CAGE1: variants seen among roughly 807,000 people sequenced by gnomAD.
CAGE1 encodes cancer antigen 1, also known as cancer-associated gene 1 protein.
A neutral mutation model predicts 94.9 loss-of-function variants in CAGE1; 66 were observed. That is an observed-to-expected ratio of 0.70 (90% confidence interval 0.57 to 0.85). The LOEUF (loss-of-function observed/expected upper bound fraction) is 0.85, where lower values mean the gene tolerates loss of function less well. Ranked by LOEUF, CAGE1 falls within the 40% of genes least tolerant of loss-of-function variation. The pLI is 0.00. For synonymous variants in CAGE1, 319 were observed against 321.0 expected, an observed-to-expected ratio of 0.99 and a Z score of 0.07; for missense variants, 865 against 950.4, an observed-to-expected ratio of 0.91 and a Z score of 1.18.
At chr6:7,379,609 A>G (rs1404145479) in intron 3 of CAGE1, among the ~76,000 whole-genome samples, 1 of 152,344 alleles carries the variant, frequency 6.6e-6, no homozygotes, top group East Asian at 1.9e-4. Flanking sequence ...TAAAATCAGG[A>G]GCAAATAAGA....
At chr6:7,333,713 T>G (rs2477484) in intron 12 of CAGE1, among the ~76,000 whole-genome samples, 71,645 of 146,092 alleles carry the variant, frequency 0.49, 18,763 homozygotes, top group African/African-American at 0.67. Context: ...CTGTTGCTCA[T>G]GCTGGAGTGC....
intron 5 of CAGE1, 62 bp from the exon 6 acceptor site, chr6:7,370,127 T>A: frequency 1.5e-6 from 2 of 1,329,620 alleles, no homozygotes; most frequent in East Asian, 2.5e-5. Context: ...ATCTTTTAAG[T>A]AAAATGCTGA....
intron 11 of CAGE1, among the ~76,000 whole-genome samples, chr6:7,344,253 C>T (rs1371618644): frequency 2.6e-5 from 4 of 152,182 alleles, no homozygotes; most frequent in Non-Finnish European, 5.9e-5. Flanking sequence ...CTGGGCGTGG[C>T]GCTTGCGGGC....
intron 11 of CAGE1, among the ~76,000 whole-genome samples, chr6:7,349,516 A>G (rs945724161): frequency 6.6e-6 from 1 of 152,200 alleles, no homozygotes. Flanking sequence ...AAAACAAAAA[A>G]AAACCAAGGT....
Position 7,377,634 on chromosome 6 carries a change from G to A in CAGE1, c.687+983C>T, listed in dbSNP as rs1760799842. Among the ~76,000 whole-genome samples the A allele has an allele frequency of 2.0e-5, 3 of 152,248 alleles. No homozygotes were observed. The South Asian group carries it at 6.2e-4, about 32-fold the overall frequency. ...CGCTTATAATCCTAGCTACTCAGAA[G>A]GCTGCAGCAGGACAATCGCTTGAAT... On this transcript the variant is annotated intron_variant, in intron 4 of 13. Coordinates refer to ENST00000502583, the MANE Select transcript of CAGE1 (RefSeq NM_001170692.2).
chr6:7,344,365 G>A (rs982616703), intron 11 of CAGE1, among the ~76,000 whole-genome samples: 1 of 152,268 alleles, frequency 6.6e-6, no homozygotes, highest in African/African-American at 2.4e-5. Flanking sequence ...ACCCGGGCCA[G>A]CGGCTGCAGA....
chr6:7,332,281 T>C (rs774285731), intron 12 of CAGE1, among the ~76,000 whole-genome samples: 3 of 152,206 alleles, frequency 2.0e-5, no homozygotes, highest in Non-Finnish European at 4.4e-5. Flanking sequence ...TGATTCTTTC[T>C]CTTTGGAGCT....
Position 7,368,703 on chromosome 6 carries a change from T to A in CAGE1, c.1989A>T (p.Lys663Asn), listed in dbSNP as rs1449361366. 6.7e-7 allele frequency: 1 copy of A among 1,503,742 alleles called. No homozygotes were observed. The highest frequency in any genetic ancestry group is 2.4e-5 in the East Asian group (1 of 40,838). The allele number at this position is 1,503,742 out of a possible 1,614,324, so 93.1% of individuals were successfully genotyped here. A position where few individuals can be genotyped will look rare whatever the true frequency, so the allele number is the denominator to read the frequency against. Residue 663 changes from lysine to asparagine, a missense_variant, in exon 7 of 14, where the codon AAA becomes AAT. Coordinates refer to ENST00000502583, the MANE Select transcript of CAGE1 (RefSeq NM_001170692.2). ...AATATAATACCTCTTTATCTAAAGT[T>A]TTCTTTTTAAGATGGAGGCTCTTCA... ...QKLKSLHLKK[K>N]TLDKELLKHK... is the part of the protein sequence containing the mutation.
intron 12 of CAGE1, among the ~76,000 whole-genome samples, chr6:7,333,814 C>G (rs1039134404): frequency 6.5e-4 from 98 of 151,470 alleles, no homozygotes; most frequent in African/African-American, 2.3e-3. Flanking sequence ...ATTACAGGCA[C>G]GTGCCACCAT....
At chr6:7,365,701 A>G in intron 8 of CAGE1, 103 bp downstream of exon 8, 1 of 1,340,594 alleles carries the variant, frequency 7.5e-7, no homozygotes, top group Non-Finnish European at 1.0e-6. Flanking sequence ...AAAGTGCAGA[A>G]CTTAGAACTA....
intron 4 of CAGE1, among the ~76,000 whole-genome samples, chr6:7,375,392 G>A (rs1760703494): frequency 6.6e-6 from 1 of 152,000 alleles, no homozygotes; most frequent in South Asian, 2.1e-4. Context: ...CTGGGCGACA[G>A]AGCGAGACTC....
intron 9 of CAGE1, among the ~76,000 whole-genome samples, chr6:7,359,720 C>T (rs1487990723): frequency 1.3e-5 from 2 of 152,158 alleles, no homozygotes; most frequent in African/African-American, 2.4e-5. Flanking sequence ...GGGTTTGGTC[C>T]TCTCTGTATC....
At position 7,344,308 on chromosome 6, in the gene CAGE1, C is replaced by T. The variant is rs531064947; in HGVS notation, c.2370-10218G>A. ...GCGTGGGCTTGGCGGGTCCCGCACT[C>T]GGAGCAGCCAGCCGGCCCTGCCAGC... On this transcript the variant is annotated intron_variant, in intron 11 of 13. Transcript: ENST00000502583. Among the ~76,000 whole-genome samples the T allele has an allele frequency of 4.6e-5, 7 of 152,322 alleles. 1 individual carries two copies. In the East Asian group the frequency reaches 1.4e-3, roughly 29 times the overall value.
chr6:7,329,848 C>T lies in CAGE1; in HGVS notation c.2478+1G>A, dbSNP rs1170980845. 7.1e-7 allele frequency: 1 copy of T among 1,416,744 alleles called. No homozygotes were observed. Among genetic ancestry groups the T allele is most frequent in the Non-Finnish European group, 9.9e-7 (1 of 1,014,256 alleles). The allele number at this position is 1,416,744 out of a possible 1,614,324, so 87.8% of individuals were successfully genotyped here. A position where few individuals can be genotyped will look rare whatever the true frequency, so the allele number is the denominator to read the frequency against. ...TTATCATGATCATCAAGGTGACCTA[C>T]CATGGTCATGGACTTCGGATGATTT... On this transcript the variant is annotated splice_donor_variant, in intron 13 of 13. Coordinates refer to ENST00000502583, the MANE Select transcript of CAGE1 (RefSeq NM_001170692.2). LOFTEE classifies it high-confidence loss of function.
intron 9 of CAGE1, among the ~76,000 whole-genome samples, chr6:7,360,871 C>A (rs2714329): frequency 6.6e-6 from 1 of 151,856 alleles, no homozygotes; most frequent in Non-Finnish European, 1.5e-5. Context: ...CACTTGAACC[C>A]GGGAGGTGGA....
At chr6:7,347,768 G>A (rs1759616123) in intron 11 of CAGE1, among the ~76,000 whole-genome samples, 1 of 152,002 alleles carries the variant, frequency 6.6e-6, no homozygotes, top group Non-Finnish European at 1.5e-5. Context: ...GGATTGTGTG[G>A]GAGTTGGGTG....
chr6:7,341,490 C>T lies in CAGE1; in HGVS notation c.2370-7400G>A, dbSNP rs560217838. The T allele has an allele frequency of 1.8e-4, 219 of 1,188,488 alleles. 1 individual carries two copies. The highest frequency in any genetic ancestry group is 1.6e-3 in the South Asian group (129 of 82,742). The allele number at this position is 1,188,488 out of a possible 1,614,324, so 73.6% of individuals were successfully genotyped here. A position where few individuals can be genotyped will look rare whatever the true frequency, so the allele number is the denominator to read the frequency against. On this transcript the variant is annotated intron_variant, in intron 11 of 13. Transcript: ENST00000502583. ...TTGGCAAATTCCAGGTATTCCATCG[C>T]GAGTCTGAGGAGTAGATGTCACCCA...
chr6:7,349,446 A>G (rs1759686165), intron 11 of CAGE1, among the ~76,000 whole-genome samples: 1 of 152,186 alleles, frequency 6.6e-6, no homozygotes, highest in Admixed American at 6.5e-5. Context: ...AAACACATCA[A>G]AACAGAACTC....
chr6:7,368,437 C>T (rs186419394), intron 7 of CAGE1, among the ~76,000 whole-genome samples: 25 of 151,834 alleles, frequency 1.6e-4, no homozygotes, highest in South Asian at 4.2e-4. Flanking sequence ...TCAGTAGTGC[C>T]GTGCAAAAAT....
Sources: gnomAD v4.1 joint callset for allele counts (sites outside exome capture counted in the v4.1 genomes callset) on GRCh38, gnomAD v4.1.1 for gene constraint, MANE v1.5 for transcripts, NCBI Gene and HGNC (gene_info 2026-07-23, HGNC 2026-07-21) for gene names.